RBM47: variants seen among roughly 807,000 people sequenced by gnomAD.
The protein encoded by RBM47 is RNA binding motif protein 47.
Under a neutral mutation model 47.1 loss-of-function variants are expected in RBM47, and 21 were observed. The ratio of observed to expected loss-of-function variants is 0.45; its 90% confidence interval spans 0.32 to 0.64. RBM47 has a LOEUF of 0.64. Ranked by LOEUF, RBM47 falls within the 30% of genes least tolerant of loss-of-function variation. The pLI is 0.05. For missense variants in RBM47, 708 were observed against 870.9 expected (o/e 0.81, Z 2.35); for synonymous variants, 375 against 361.7 (o/e 1.04, Z -0.42).
At chr4:40,614,622 C>T (rs1736554480) in intron 1 of RBM47, among the ~76,000 whole-genome samples, 1 of 151,496 alleles carries the variant, frequency 6.6e-6, no homozygotes, top group Non-Finnish European at 1.5e-5. Context: ...ACGCTTGAGC[C>T]CAGAAGTTTG....
At chr4:40,478,405 A>G (rs1719939383) in intron 2 of RBM47, among the ~76,000 whole-genome samples, 1 of 152,212 alleles carries the variant, frequency 6.6e-6, no homozygotes, top group South Asian at 2.1e-4. Context: ...TCTTTGATTT[A>G]GAGTAGAGTG....
intron 1 of RBM47, among the ~76,000 whole-genome samples, chr4:40,595,553 A>G (rs1310958635): frequency 6.6e-6 from 1 of 152,110 alleles, no homozygotes; most frequent in Non-Finnish European, 1.5e-5. Flanking sequence ...TGTTTTTGCA[A>G]AAGAAATGGA....
intron 2 of RBM47, among the ~76,000 whole-genome samples, chr4:40,480,680 A>T (rs951318103): frequency 9.2e-5 from 14 of 152,114 alleles, no homozygotes; most frequent in Non-Finnish European, 1.9e-4. Flanking sequence ...CCCTTCCTCT[A>T]CCCGAGGCAG....
chr4:40,594,387 T>C (rs1339010804), intron 1 of RBM47, among the ~76,000 whole-genome samples: 2 of 152,120 alleles, frequency 1.3e-5, no homozygotes, highest in Non-Finnish European at 1.5e-5. Flanking sequence ...TGGACCAAGA[T>C]AGGAAAAGTC....
intron 1 of RBM47, among the ~76,000 whole-genome samples, chr4:40,568,899 T>G (rs1355325795): frequency 6.6e-6 from 1 of 151,736 alleles, no homozygotes; most frequent in Non-Finnish European, 1.5e-5. Context: ...GAGAATTGCT[T>G]GAAACCGGGA....
intron 2 of RBM47, among the ~76,000 whole-genome samples, chr4:40,527,671 G>A (rs897465585): frequency 1.4e-5 from 2 of 144,676 alleles, no homozygotes; most frequent in East Asian, 2.1e-4. Context: ...AACTGGTAAC[G>A]CCCGCCTCAG....
chr4:40,486,510 A>T (rs1577763305), intron 2 of RBM47, among the ~76,000 whole-genome samples: 1 of 152,210 alleles, frequency 6.6e-6, no homozygotes. Context: ...AAAAATTTTT[A>T]AATTTGGGCT....
At chr4:40,448,912 T>C (rs1221224366) in intron 3 of RBM47, among the ~76,000 whole-genome samples, 1 of 150,192 alleles carries the variant, frequency 6.7e-6, no homozygotes, top group Non-Finnish European at 1.5e-5. Flanking sequence ...GCCCCAAACT[T>C]GGGGTGAAGG....
intron 1 of RBM47, among the ~76,000 whole-genome samples, chr4:40,550,863 C>T (rs2154264097): frequency 6.6e-6 from 1 of 151,986 alleles, no homozygotes; most frequent in Non-Finnish European, 1.5e-5. Flanking sequence ...CTTTTAATTT[C>T]CAAAATCATT....
At position 40,543,967 on chromosome 4, in the gene RBM47, T is replaced by C. The variant is rs1728784605; in HGVS notation, c.-155+455A>G. 1.3e-5 allele frequency: 2 copies of C among 151,980 alleles called. 1 individual carries two copies. The highest frequency in any genetic ancestry group is 2.9e-5 in the Non-Finnish European group (2 of 67,984). The allele number at this position is 151,980 out of a possible 1,614,324, so 9.4% of individuals were successfully genotyped here. A position where few individuals can be genotyped will look rare whatever the true frequency, so the allele number is the denominator to read the frequency against. Reference sequence around the variant, plus strand: ...GTGAAAAATAGAAGGTAGGGAATACTTAATGCTGGTCATTTGGGGATTATC... The same window carrying C: ...GTGAAAAATAGAAGGTAGGGAATACCTAATGCTGGTCATTTGGGGATTATC... On this transcript the variant is annotated intron_variant, in intron 2 of 6. Transcript: ENST00000295971.
chr4:40,487,060 A>C (rs979758889), intron 2 of RBM47, among the ~76,000 whole-genome samples: 1 of 152,212 alleles, frequency 6.6e-6, no homozygotes, highest in African/African-American at 2.4e-5. Flanking sequence ...TTCAGTAGCC[A>C]CAAAAAATTA....
chr4:40,623,191 T>G (rs1326511429), intron 1 of RBM47, among the ~76,000 whole-genome samples: 1 of 152,176 alleles, frequency 6.6e-6, no homozygotes, highest in Non-Finnish European at 1.5e-5. Flanking sequence ...GTTTACTCAT[T>G]GGCAAACTGA....
rs199723210 is a variant in RBM47, at chr4:40,438,654, G to A, written c.240C>T (p.Arg80=). Residue 80 remains arginine, a synonymous_variant, in exon 4 of 7, where the codon CGC becomes CGT. Coordinates refer to ENST00000295971, the MANE Select transcript of RBM47 (RefSeq NM_001098634.2). ...GCEVFVGKIP[R]DVYEDELVPV... ...GCACCAGCTCGTCCTCGTACACGTC[G>A]CGCGGGATCTTGCCCACGAAGACCT... 6.8e-6 allele frequency: 11 copies of A among 1,612,324 alleles called. No individual in the cohort carries two copies. The highest frequency in any genetic ancestry group is 1.7e-4 in the Middle Eastern group (1 of 6,056).
At chr4:40,458,974 C>T (rs561174261) in intron 3 of RBM47, among the ~76,000 whole-genome samples, 1 of 152,124 alleles carries the variant, frequency 6.6e-6, no homozygotes, top group Admixed American at 6.6e-5. Context: ...ATATTGTGGG[C>T]TCTTTTATCA....
intron 1 of RBM47, among the ~76,000 whole-genome samples, chr4:40,595,033 A>G (rs1734624176): frequency 6.6e-6 from 1 of 152,192 alleles, no homozygotes. Context: ...CTCGTAGCTA[A>G]CAGATGGACT....
intron 1 of RBM47, among the ~76,000 whole-genome samples, chr4:40,613,634 AG>A (rs1018942574): frequency 7.9e-5 from 12 of 152,100 alleles, no homozygotes; most frequent in African/African-American, 2.9e-4. Flanking sequence ...AAAAAACTAA[AG>A]AAAGGAATGC....
At chr4:40,431,433 C>T (rs574650250) in intron 6 of RBM47, among the ~76,000 whole-genome samples, 16 of 152,102 alleles carry the variant, frequency 1.1e-4, no homozygotes, top group South Asian at 2.1e-4. Flanking sequence ...CCAAGGTGGG[C>T]GGATCACGAG....
chr4:40,603,678 C>CTTGAG (rs1735485272), intron 1 of RBM47, among the ~76,000 whole-genome samples: 1 of 152,074 alleles, frequency 6.6e-6, no homozygotes, highest in Non-Finnish European at 1.5e-5. Context: ...CCTTGGCTCA[C>CTTGAG]TGCAGCCTCG....
At position 40,559,050 on chromosome 4, in the gene RBM47, T is replaced by C. The variant is rs1730368001; in HGVS notation, c.-239-14544A>G. Among the ~76,000 whole-genome samples, 7 of 152,128 alleles carry C rather than the reference T, an allele frequency of 4.6e-5. No individual in the cohort carries two copies. In the South Asian group the frequency reaches 1.2e-3, roughly 27 times the overall value. The stretch of plus-strand genomic sequence containing the variant: ...GTTCCAAGCACTGTGCTAGTGATTG[T>C]GGTGAATAGGGCAGATCCAGCCTTT... On this transcript the variant is annotated intron_variant, in intron 1 of 6. Transcript: ENST00000295971.
Sources: allele counts gnomAD v4.1 joint callset (sites outside exome capture counted in the v4.1 genomes callset), GRCh38; gene constraint gnomAD v4.1.1; transcripts MANE v1.5; gene names NCBI Gene and HGNC (gene_info 2026-07-23, HGNC 2026-07-21).